ARV1: variants seen among roughly 807,000 people sequenced by gnomAD.
ARV1 encodes the protein ARV1 fatty acid homeostasis modulator.
Under a neutral mutation model 31.1 loss-of-function variants are expected in ARV1, and 26 were observed. That is an observed-to-expected ratio of 0.84 (90% CI 0.61 to 1.16). The LOEUF is 1.16. Among genes scored for constraint, ARV1 ranks in the 50% most tolerant of loss-of-function variants. ARV1 has a pLI of 0.00. For synonymous variants in ARV1, 117 were observed against 123.2 expected (o/e 0.95, Z 0.34); for missense variants, 281 against 324.9 (o/e 0.86, Z 1.04).
At chr1:230,994,073 G>A (rs1232640787) in intron 3 of ARV1, among the ~76,000 whole-genome samples, 1 of 151,602 alleles carries the variant, frequency 6.6e-6, no homozygotes. Context: ...TGGGTCACTA[G>A]TGCTGAAACT....
rs150464404 is a variant in ARV1, at chr1:230,996,062, T to G, written c.673+78T>G. ...AAAGCCTTGTTTCTGGGGTGCAGTT[T>G]TTATATAACCTGTTGAACACTGGAA... On this transcript the variant is annotated intron_variant, in intron 4 of 5. Coordinates refer to ENST00000310256, the MANE Select transcript of ARV1 (RefSeq NM_022786.3). 249 of 1,189,308 alleles carry G rather than the reference T, an allele frequency of 2.1e-4. 1 individual carries two copies. The African/African-American group carries it at 3.4e-3, about 16-fold the overall frequency. The allele number at this position is 1,189,308 out of a possible 1,614,324, so 73.7% of individuals were successfully genotyped here.
At chr1:230,993,877 C>A (rs113367546) in intron 3 of ARV1, among the ~76,000 whole-genome samples, 1,935 of 152,216 alleles carry the variant, frequency 0.013, 38 homozygotes, top group African/African-American at 0.044. Context: ...CCTGGATGAC[C>A]AAGACAGACT....
intron 3 of ARV1, among the ~76,000 whole-genome samples, chr1:230,994,232 G>A (rs1372667084): frequency 6.6e-6 from 1 of 152,190 alleles, no homozygotes; most frequent in Non-Finnish European, 1.5e-5. Context: ...TAAAAGATGT[G>A]GAGGTTATCT....
At chr1:230,981,132 G>T (rs1678900438) in intron 1 of ARV1, among the ~76,000 whole-genome samples, 2 of 152,040 alleles carry the variant, frequency 1.3e-5, no homozygotes, top group African/African-American at 4.8e-5. Context: ...TCTCCTTTCT[G>T]CTTTTGCTTC....
chr1:230,998,610 A>C (rs1264758899), intron 5 of ARV1, among the ~76,000 whole-genome samples: 2 of 152,068 alleles, frequency 1.3e-5, no homozygotes, highest in African/African-American at 2.4e-5. Context: ...TATGCTCCTA[A>C]AATTCACAAG....
At chr1:230,984,359 T>TGTGTGTGTGCGC (rs71179756) in intron 1 of ARV1, among the ~76,000 whole-genome samples, 11,003 of 93,436 alleles carry the variant, frequency 0.12, 584 homozygotes, top group East Asian at 0.35. Context: ...TGTGTGTGTG[T>TGTGTGTGTGCGC]GTGCGTGTGT....
chr1:230,991,896 G>T (rs1468116284), intron 3 of ARV1, among the ~76,000 whole-genome samples: 1 of 152,096 alleles, frequency 6.6e-6, no homozygotes, highest in Non-Finnish European at 1.5e-5. Flanking sequence ...CCAAAGTGCT[G>T]GGATTACAGG....
rs187572802 is a variant in ARV1 at position 230,987,831 on chromosome 1, C to A, written c.175-489C>A. Among the ~76,000 whole-genome samples, 8 of 152,362 alleles carry A rather than the reference C, an allele frequency of 5.3e-5. No homozygotes were observed. In the East Asian group the frequency reaches 1.2e-3, roughly 22 times the overall value. ...CCATTCTTTACCTACTTGCAGCTCT[C>A]AGTAGTTCTGGGGACAAGGTAACTG... On this transcript the variant is annotated intron_variant, in intron 1 of 5. Coordinates refer to ENST00000310256, the MANE Select transcript of ARV1 (RefSeq NM_022786.3).
chr1:230,991,097 C>A (rs1379378550), intron 3 of ARV1, among the ~76,000 whole-genome samples: 1 of 152,138 alleles, frequency 6.6e-6, no homozygotes, highest in African/African-American at 2.4e-5. Context: ...TCAGGAAGTG[C>A]TTTTCAGAAT....
At chr1:230,999,293 G>A (rs1442556589) in intron 5 of ARV1, among the ~76,000 whole-genome samples, 1 of 152,076 alleles carries the variant, frequency 6.6e-6, no homozygotes, top group Admixed American at 6.6e-5. Flanking sequence ...CGTTTCTCTT[G>A]AAATGCTCCT....
In ARV1 at chr1:230,995,959, T is replaced by C; in HGVS notation, c.648T>C (p.Leu216=). 1 of 1,613,476 alleles carries C rather than the reference T, an allele frequency of 6.2e-7. No homozygotes were observed. The highest frequency in any genetic ancestry group is 8.5e-7 in the Non-Finnish European group (1 of 1,179,684). Residue 216 remains leucine, a synonymous_variant, in exon 4 of 6, where the codon CTT becomes CTC. Coordinates refer to ENST00000310256, the MANE Select transcript of ARV1 (RefSeq NM_022786.3). ...TCAAACTCATTAAAGTATTTGTTCTTACATCAAATTTTCAGGCAATTAGAG... is the reference window on the plus strand; with the variant it reads ...TCAAACTCATTAAAGTATTTGTTCTCACATCAAATTTTCAGGCAATTAGAG... The part of the protein sequence containing the change: ...VCLKLIKVFV[L]TSNFQAIRVT...
At chr1:230,988,222 G>A (rs1679134466) in intron 1 of ARV1, 98 bp from the exon 2 acceptor site, 2 of 1,025,418 alleles carry the variant, frequency 2.0e-6, no homozygotes, top group African/African-American at 1.7e-5. Flanking sequence ...TGGCCATATT[G>A]CTATCTGTGT....
chr1:230,995,485 T>C (rs1267544415), intron 3 of ARV1, among the ~76,000 whole-genome samples: 1 of 152,008 alleles, frequency 6.6e-6, no homozygotes, highest in Non-Finnish European at 1.5e-5. Flanking sequence ...CTTCAGAAAG[T>C]TGATGATTAC....
intron 1 of ARV1, 89 bp from the exon 2 acceptor site, chr1:230,988,231 G>C: frequency 8.4e-7 from 1 of 1,192,206 alleles, no homozygotes; most frequent in Admixed American, 2.3e-5. Flanking sequence ...TGCTATCTGT[G>C]TCCAAAATAG....
chr1:231,000,112 C>G, intron 5 of ARV1, 26 bp from the exon 6 acceptor site: 1 of 152,176 alleles, frequency 6.6e-6, no homozygotes, highest in Non-Finnish European at 1.5e-5. Flanking sequence ...ATGTGGCATT[C>G]TAAATACATC....
rs1229763019 is a variant in ARV1, at chr1:230,979,125, G to C, written c.20G>C (p.Ser7Thr). The C allele has an allele frequency of 6.2e-7, 1 of 1,601,680 alleles. No homozygotes were observed. Among genetic ancestry groups the C allele is most frequent in the Non-Finnish European group, 8.5e-7 (1 of 1,175,650 alleles). The change falls in exon 1 of 6, where the codon AGC becomes ACC. Residue 7 changes from serine to threonine, a missense_variant. Transcript: ENST00000310256. ...GTGGAAATGGGCAACGGCGGGCGGA[G>C]CGGCCTGCAGCAGGGGAAGGGGAAC... MGNGGR[S>T]GLQQGKGNVD...
At chr1:230,984,367 T>TGCGCGCGC in intron 1 of ARV1, among the ~76,000 whole-genome samples, 1 of 124,368 alleles carries the variant, frequency 8.0e-6, no homozygotes, top group African/African-American at 3.5e-5. Flanking sequence ...TGTGTGCGTG[T>TGCGCGCGC]GTGTGTGTGT....
In ARV1 at chr1:230,990,245, T is replaced by C. The variant is rs1244906570; in HGVS notation, c.430T>C (p.Phe144Leu). 3.7e-6 allele frequency: 6 copies of C among 1,612,886 alleles called. No homozygotes were observed. Residue 144 changes from phenylalanine (F) to leucine (L), a missense_variant, in exon 3 of 6, where the codon TTT becomes CTT. Physicochemically the swap from Phe to Leu is conservative, Grantham distance 22. Coordinates refer to ENST00000310256, the MANE Select transcript of ARV1 (RefSeq NM_022786.3). ...YAKEWDFYRM[F>L]AIAALEQTAY... ...TAAGGAATGGGATTTCTATAGAATG[T>C]TTGCGATTGCTGCTTTAGGTAAGGA...
At chr1:230,979,356 T>G (rs1558237946) in intron 1 of ARV1, 77 bp downstream of exon 1, 1 of 1,502,876 alleles carries the variant, frequency 6.7e-7, no homozygotes, top group Non-Finnish European at 9.2e-7. Flanking sequence ...AGCAGGGTCC[T>G]CTGATACAGT....
Sources: allele counts gnomAD v4.1 joint callset (sites outside exome capture counted in the v4.1 genomes callset), GRCh38; gene constraint gnomAD v4.1.1; transcripts MANE v1.5; gene names NCBI Gene and HGNC (gene_info 2026-07-23, HGNC 2026-07-21).